The following GIGYF2 variants were observed in gnomAD, a reference collection of about 807,000 sequenced individuals.
GIGYF2 encodes GRB10 interacting GYF protein 2.
A neutral mutation model predicts 208.1 loss-of-function variants in GIGYF2; 25 were observed. That is an observed-to-expected ratio of 0.12 (90% CI 0.09 to 0.17). GIGYF2 has a LOEUF of 0.17. Ranked by LOEUF, GIGYF2 falls within the 10% of genes least tolerant of loss-of-function variation. The pLI is 1.00. For synonymous variants in GIGYF2, 534 were observed against 543.8 expected (o/e 0.98, Z 0.25); for missense variants, 1,302 against 1,579.4 (o/e 0.82, Z 2.98).
At chr2:232,771,693 C>T (rs553370125) in intron 8 of GIGYF2, among the ~76,000 whole-genome samples, 2 of 152,158 alleles carry the variant, frequency 1.3e-5, no homozygotes, top group South Asian at 2.1e-4. Context: ...GTCTTCCTTG[C>T]ACAAGTCCGG....
At position 232,756,320 on chromosome 2, in the gene GIGYF2, C is replaced by G. The variant is rs759592824; in HGVS notation, c.365C>G (p.Ser122Cys). 1 of 1,550,778 alleles carries G rather than the reference C, an allele frequency of 6.4e-7. No individual in the cohort carries two copies. The highest frequency in any genetic ancestry group is 1.8e-4 in the Middle Eastern group (1 of 5,412). Reference protein sequence around the residue: ...TVVGAPRGRSSSRGRGRGRGE... With the variant: ...TVVGAPRGRSCSRGRGRGRGE... ...GTGGGGGCTCCTAGAGGTCGAAGTT[C>G]TTCAAGAGGGCGAGGTGAGCTTTCA... The change falls in exon 6 of 29, where the codon TCT becomes TGT. Residue 122 changes from serine (S) to cysteine (C), a missense_variant. This residue lies in a region of GIGYF2 where 189 missense variants were observed against 257.7 expected (regional missense o/e 0.73). Transcript: ENST00000373563.
chr2:232,713,843 T>G (rs2106260739), intron 2 of GIGYF2, among the ~76,000 whole-genome samples: 1 of 152,352 alleles, frequency 6.6e-6, no homozygotes, highest in South Asian at 2.1e-4. Flanking sequence ...AGTATATATG[T>G]CAGCATGATT....
rs1164590580 is a variant in GIGYF2, at chr2:232,810,965, A to G, written c.1899-279A>G. On this transcript the variant is annotated intron_variant, in intron 16 of 28. Transcript: ENST00000373563. The stretch of plus-strand genomic sequence containing the variant: ...ATTTTTGACATTCGTGATTTTAAAA[A>G]TATTTTCTCTGAATAGACCACTTTG... The G allele has an allele frequency of 1.9e-5, 6 of 319,462 alleles. No homozygotes were observed. The East Asian group carries it at 4.1e-4, about 22-fold the overall frequency. The allele number at this position is 319,462 out of a possible 1,614,324, so 19.8% of individuals were successfully genotyped here. A position where few individuals can be genotyped will look rare whatever the true frequency, so the allele number is the denominator to read the frequency against.
chr2:232,755,710 A>G lies in GIGYF2; in HGVS notation c.268-513A>G, dbSNP rs145252111. On this transcript the variant is annotated intron_variant, in intron 5 of 28. Coordinates refer to ENST00000373563, the MANE Select transcript of GIGYF2 (RefSeq NM_001103146.3). ...TTGTTTAGATCCTTGGCCCTTTCCC[A>G]TTCACTTATGATTCCTGTCATTCTG... 1.5e-3 allele frequency among the ~76,000 whole-genome samples: 227 copies of G among 152,254 alleles called. 1 individual carries two copies. Among genetic ancestry groups the G allele is most frequent in the African/African-American group, 5.2e-3 (217 of 41,540 alleles).
chr2:232,774,291 C>G lies in GIGYF2; in HGVS notation c.532+12855C>G, dbSNP rs527452021. ...CATTTGATTAGTTTTGTTCAAGAGC[C>G]GCTCCAGAGTGTTTGTTCTTCAGTA... On this transcript the variant is annotated intron_variant, in intron 8 of 28. Coordinates refer to ENST00000373563, the MANE Select transcript of GIGYF2 (RefSeq NM_001103146.3). Among the ~76,000 whole-genome samples the G allele has an allele frequency of 3.3e-5, 5 of 152,188 alleles. No individual in the cohort carries two copies. In the Middle Eastern group the frequency reaches 0.01, roughly 311 times the overall value.
At chr2:232,846,288 G>C (rs114227477) in intron 26 of GIGYF2, among the ~76,000 whole-genome samples, 5 of 152,122 alleles carry the variant, frequency 3.3e-5, no homozygotes, top group Admixed American at 2.6e-4. Flanking sequence ...TTCTACCTTT[G>C]GGGGAGGGAA....
At chr2:232,743,098 G>A (rs1262437814) in intron 3 of GIGYF2, among the ~76,000 whole-genome samples, 1 of 152,160 alleles carries the variant, frequency 6.6e-6, no homozygotes, top group Non-Finnish European at 1.5e-5. Context: ...GAGTATCATG[G>A]GGCTTTGGGG....
At chr2:232,842,684 C>T (rs1422067753) in intron 23 of GIGYF2, among the ~76,000 whole-genome samples, 3 of 152,190 alleles carry the variant, frequency 2.0e-5, no homozygotes, top group East Asian at 3.9e-4. Context: ...CCTTGATGGG[C>T]TTTCCTATAA....
Position 232,846,669 on chromosome 2 carries a change from C to G in GIGYF2, c.3461-679C>G, listed in dbSNP as rs1045690471. 1.0e-4 allele frequency among the ~76,000 whole-genome samples: 8 copies of G among 79,536 alleles called. No individual in the cohort carries two copies. In the East Asian group the frequency reaches 2.8e-3, roughly 28 times the overall value. 52.2% of individuals were successfully genotyped at this position (79,536 alleles called of 152,430 possible). A position where few individuals can be genotyped will look rare whatever the true frequency, so the allele number is the denominator to read the frequency against. On this transcript the variant is annotated intron_variant, in intron 26 of 28. Transcript: ENST00000373563. The stretch of plus-strand genomic sequence containing the variant: ...ATGGCTGCCATGCATTAAGCACCTA[C>G]CATGTGTGCTAGGCACTCTCTTGGA...
chr2:232,769,893 C>T (rs548820358), intron 8 of GIGYF2, among the ~76,000 whole-genome samples: 9 of 152,212 alleles, frequency 5.9e-5, no homozygotes, highest in African/African-American at 2.2e-4. Context: ...GGTTTTAGTA[C>T]TGTGATTTTC....
chr2:232,798,103 A>G (rs575435131), intron 14 of GIGYF2, among the ~76,000 whole-genome samples: 26 of 151,772 alleles, frequency 1.7e-4, no homozygotes, highest in Non-Finnish European at 3.1e-4. Flanking sequence ...GTTAACCTCT[A>G]GCAATGACTA....
Position 232,753,781 on chromosome 2 carries a change from G to T in GIGYF2, c.268-2442G>T, listed in dbSNP as rs375557555. 1.9e-4 allele frequency among the ~76,000 whole-genome samples: 29 copies of T among 152,250 alleles called. 1 individual carries two copies. The highest frequency in any genetic ancestry group is 6.5e-4 in the African/African-American group (27 of 41,560). On this transcript the variant is annotated intron_variant, in intron 5 of 28. Coordinates refer to ENST00000373563, the MANE Select transcript of GIGYF2 (RefSeq NM_001103146.3). The stretch of plus-strand genomic sequence containing the variant: ...CAGTCCCAGGGAGTTTGGCCTCTCC[G>T]TGTTCCTAATTACAAGTATGCTCCA...
At position 232,857,236 on chromosome 2, in the gene GIGYF2, G is replaced by GT; in HGVS notation, c.*382dup. The GT allele has an allele frequency of 3.1e-6, 1 of 324,900 alleles. No individual in the cohort carries two copies. The highest frequency in any genetic ancestry group is 4.6e-5 in the Admixed American group (1 of 21,540). 20.1% of individuals were successfully genotyped at this position (324,900 alleles called of 1,614,324 possible). ...CTTGTCACTTTTTTTCTTCTATTTT[G>GT]TTTTTTCTTCTTCTTTTTCCCCCCA... On this transcript the variant is annotated 3_prime_UTR_variant, in exon 29 of 29. Coordinates refer to ENST00000373563, the MANE Select transcript of GIGYF2 (RefSeq NM_001103146.3).
intron 14 of GIGYF2, among the ~76,000 whole-genome samples, chr2:232,802,166 A>G (rs1043442737): frequency 4.6e-5 from 7 of 151,978 alleles, no homozygotes; most frequent in African/African-American, 1.7e-4. Flanking sequence ...CTGTTTTTAG[A>G]AAAAAAGAAT....
intron 2 of GIGYF2, among the ~76,000 whole-genome samples, chr2:232,728,292 C>T (rs1342450222): frequency 2.0e-5 from 3 of 152,052 alleles, no homozygotes; most frequent in East Asian, 3.9e-4. Context: ...ATAGTAGGTT[C>T]GATTGGACTT....
At position 232,846,026 on chromosome 2, in the gene GIGYF2, A is replaced by T; in HGVS notation, c.3460+140A>T. On this transcript the variant is annotated intron_variant, in intron 26 of 28. Transcript: ENST00000373563. ...CTGCTGCACCTGCCATAGGAACTTG[A>T]CTCTTTAATAGTATTACTTGTGAGA... The T allele has an allele frequency of 8.5e-6, 6 of 701,932 alleles. No individual in the cohort carries two copies. The South Asian group carries it at 9.2e-5, about 11-fold the overall frequency. The allele number at this position is 701,932 out of a possible 1,614,324, so 43.5% of individuals were successfully genotyped here.
At chr2:232,725,693 A>G (rs117516690) in intron 2 of GIGYF2, among the ~76,000 whole-genome samples, 1 of 152,368 alleles carries the variant, frequency 6.6e-6, no homozygotes, top group East Asian at 1.9e-4. Flanking sequence ...TACTTCGCAT[A>G]GTTCATTGTA....
intron 22 of GIGYF2, among the ~76,000 whole-genome samples, chr2:232,836,180 A>G (rs1274558716): frequency 1.4e-5 from 2 of 147,100 alleles, no homozygotes; most frequent in African/African-American, 2.5e-5. Context: ...TAATCCCAGC[A>G]CTTTGGGAGG....
At chr2:232,706,963 A>C (rs1185050385) in intron 2 of GIGYF2, among the ~76,000 whole-genome samples, 2 of 151,308 alleles carry the variant, frequency 1.3e-5, no homozygotes, top group East Asian at 3.9e-4. Context: ...AAAAAAAAAA[A>C]AAATTTTTTT....
Sources: allele counts gnomAD v4.1 joint callset (sites outside exome capture counted in the v4.1 genomes callset), GRCh38; gene constraint gnomAD v4.1.1; regional missense constraint gnomAD v4.1.1; transcripts MANE v1.5; gene names NCBI Gene and HGNC (gene_info 2026-07-23, HGNC 2026-07-21).